Variants in MARCHF1 observed in about 807,000 individuals in gnomAD.
MARCHF1 encodes the protein membrane associated ring-CH-type finger 1.
Under a neutral mutation model 54.2 loss-of-function variants are expected in MARCHF1, and 40 were observed. That is an observed-to-expected ratio of 0.74 (90% CI 0.57 to 0.96). The LOEUF is 0.96. MARCHF1 is among the 40% of genes least tolerant of loss of function. The probability of loss-of-function intolerance (pLI) is 0.00; values close to 1 mark genes in which losing one functional copy is unlikely to be tolerated. For missense variants in MARCHF1, 586 were observed against 656.5 expected, an observed-to-expected ratio of 0.89 and a Z score of 1.17; for synonymous variants, 236 against 236.3, an observed-to-expected ratio of 1.00 and a Z score of 0.01.
chr4:163,800,052 C>T (rs901914230), intron 4 of MARCHF1, among the ~76,000 whole-genome samples: 23 of 152,100 alleles, frequency 1.5e-4, no homozygotes, highest in African/African-American at 5.5e-4. Flanking sequence ...CCAAAAACTG[C>T]ATATTCTCAT....
Position 163,910,922 on chromosome 4 carries a change from A to G in MARCHF1, c.-38-56753T>C, listed in dbSNP as rs533680705. On this transcript the variant is annotated intron_variant, in intron 3 of 9. Coordinates refer to ENST00000514618, the MANE Select transcript of MARCHF1 (RefSeq NM_001394959.1). The stretch of plus-strand genomic sequence containing the variant: ...GACTCCTGACTTGCAATAAGTTATC[A>G]ATCCTTAACAGTAAGTTAAATGCAA... Among the ~76,000 whole-genome samples the G allele has an allele frequency of 1.6e-4, 24 of 152,332 alleles. 2 individuals are homozygous for G. In the Middle Eastern group the frequency reaches 0.014, roughly 86 times the overall value.
At chr4:164,275,039 C>T (rs1297619429) in intron 1 of MARCHF1, among the ~76,000 whole-genome samples, 6 of 151,096 alleles carry the variant, frequency 4.0e-5, no homozygotes, top group African/African-American at 1.2e-4. Flanking sequence ...AGAAACAAGG[C>T]TAATTTCCTT....
intron 5 of MARCHF1, among the ~76,000 whole-genome samples, chr4:163,661,723 C>T (rs1040557482): frequency 2.0e-5 from 3 of 151,948 alleles, no homozygotes; most frequent in East Asian, 1.9e-4. Context: ...AGTGAGTGAG[C>T]GTGTCAATCA....
At chr4:163,802,095 C>T (rs946227803) in intron 4 of MARCHF1, among the ~76,000 whole-genome samples, 2 of 150,508 alleles carry the variant, frequency 1.3e-5, no homozygotes, top group Admixed American at 6.7e-5. Context: ...ATAGACTTCT[C>T]ATTCAATTCA....
At chr4:164,207,337 T>C (rs528436523) in intron 1 of MARCHF1, among the ~76,000 whole-genome samples, 2 of 152,366 alleles carry the variant, frequency 1.3e-5, no homozygotes, top group East Asian at 3.9e-4. Context: ...TTTAAGTTTA[T>C]TCATTTATTC....
At chr4:163,850,708 T>C (rs1248131312) in intron 4 of MARCHF1, among the ~76,000 whole-genome samples, 1 of 152,192 alleles carries the variant, frequency 6.6e-6, no homozygotes. Flanking sequence ...TCAAAACTCT[T>C]GGCAAAACTG....
intron 1 of MARCHF1, among the ~76,000 whole-genome samples, chr4:164,377,591 G>GCACACA (rs56204290): frequency 0.41 from 61,639 of 149,334 alleles, 13,375 homozygotes; most frequent in Non-Finnish European, 0.48. Context: ...TACTTTTTAT[G>GCACACA]CACACACACA....
chr4:164,306,210 C>A (rs902341944), intron 1 of MARCHF1, among the ~76,000 whole-genome samples: 1 of 152,134 alleles, frequency 6.6e-6, no homozygotes, highest in African/African-American at 2.4e-5. Flanking sequence ...CAGATTTGTT[C>A]ACCTTTCCTT....
intron 3 of MARCHF1, among the ~76,000 whole-genome samples, chr4:163,967,527 A>G (rs1752466019): frequency 6.6e-6 from 1 of 152,176 alleles, no homozygotes; most frequent in Non-Finnish European, 1.5e-5. Flanking sequence ...CTGCTTTCTT[A>G]CTTTCTCTCT....
chr4:163,531,986 A>AGACTT (rs1419864600), intron 9 of MARCHF1, among the ~76,000 whole-genome samples: 1 of 151,920 alleles, frequency 6.6e-6, no homozygotes, highest in Non-Finnish European at 1.5e-5. Flanking sequence ...ATGGATAGGG[A>AGACTT]GACTTAATAT....
intron 2 of MARCHF1, among the ~76,000 whole-genome samples, chr4:164,066,707 T>C (rs1478801336): frequency 6.6e-6 from 1 of 152,164 alleles, no homozygotes; most frequent in African/African-American, 2.4e-5. Flanking sequence ...AATGAGATCA[T>C]GTATTTTGCA....
intron 3 of MARCHF1, among the ~76,000 whole-genome samples, chr4:163,894,398 G>T (rs1048953928): frequency 1.3e-5 from 2 of 151,592 alleles, no homozygotes; most frequent in African/African-American, 4.8e-5. Flanking sequence ...TTAATACAAA[G>T]CTATATAGAT....
chr4:163,954,485 TA>T (rs1752194206), intron 3 of MARCHF1, among the ~76,000 whole-genome samples: 1 of 152,158 alleles, frequency 6.6e-6, no homozygotes, highest in Non-Finnish European at 1.5e-5. Context: ...TACTGTTAGG[TA>T]AAAATAAAAT....
intron 3 of MARCHF1, among the ~76,000 whole-genome samples, chr4:163,857,589 C>T (rs1297855965): frequency 1.3e-5 from 2 of 152,080 alleles, no homozygotes; most frequent in African/African-American, 4.8e-5. Flanking sequence ...ATAATGATCA[C>T]AGGAAATTGA....
At chr4:163,849,211 A>G (rs946027059) in intron 4 of MARCHF1, among the ~76,000 whole-genome samples, 1 of 152,214 alleles carries the variant, frequency 6.6e-6, no homozygotes, top group African/African-American at 2.4e-5. Context: ...GTCACCTTGG[A>G]CAGGTTTTTA....
At position 163,640,898 on chromosome 4, in the gene MARCHF1, G is replaced by A. The variant is rs1163733446; in HGVS notation, c.163-27505C>T. Among the ~76,000 whole-genome samples the A allele has an allele frequency of 2.6e-5, 4 of 151,998 alleles. No individual in the cohort carries two copies. The East Asian group carries it at 7.7e-4, about 29-fold the overall frequency. ...ATTGACATATTATCTATCGCGAAGA[G>A]AATATTTATTTTCCATTTCAAACAC... On this transcript the variant is annotated intron_variant, in intron 5 of 9. Coordinates refer to ENST00000514618, the MANE Select transcript of MARCHF1 (RefSeq NM_001394959.1).
At chr4:163,831,353 G>A (rs1409879174) in intron 4 of MARCHF1, among the ~76,000 whole-genome samples, 2 of 152,204 alleles carry the variant, frequency 1.3e-5, no homozygotes, top group Non-Finnish European at 2.9e-5. Flanking sequence ...GGAAATGGAG[G>A]TGGGAGGGTA....
At chr4:163,874,974 T>C (rs146005353) in intron 3 of MARCHF1, among the ~76,000 whole-genome samples, 133 of 152,272 alleles carry the variant, frequency 8.7e-4, no homozygotes, top group African/African-American at 2.7e-3. Flanking sequence ...CACTCTGAGG[T>C]TTGCTGTTCA....
At chr4:164,287,086 TA>T (rs1734169049) in intron 1 of MARCHF1, among the ~76,000 whole-genome samples, 1 of 148,414 alleles carries the variant, frequency 6.7e-6, no homozygotes, top group South Asian at 2.1e-4. Context: ...TATTAATTTT[TA>T]AAAATAATAT....
Sources: allele counts gnomAD v4.1 joint callset (sites outside exome capture counted in the v4.1 genomes callset), GRCh38; gene constraint gnomAD v4.1.1; transcripts MANE v1.5; gene names NCBI Gene and HGNC (gene_info 2026-07-23, HGNC 2026-07-21).